Variants in VSIG4 observed in about 807,000 individuals in gnomAD.
VSIG4 encodes V-set and immunoglobulin domain containing 4, also known as V-set and immunoglobulin domain-containing protein 4.
A neutral mutation model predicts 23.4 loss-of-function variants in VSIG4; 34 were observed. That is an observed-to-expected ratio of 1.45 (90% confidence interval 1.10 to 1.93). The LOEUF is 1.93. VSIG4 is among the 30% of genes most tolerant of loss of function. VSIG4 has a pLI of 0.00. For missense variants in VSIG4, 433 were observed against 310.8 expected, an observed-to-expected ratio of 1.39 and a Z score of -2.96; for synonymous variants, 169 against 120.3, an observed-to-expected ratio of 1.41 and a Z score of -2.65.
intron 1 of VSIG4, among the ~76,000 whole-genome samples, chrX:66,038,467 GCTCTCT>G (rs747112398): frequency 3.2e-5 from 3 of 93,973 alleles, no homozygotes; most frequent in Admixed American, 2.2e-4. Flanking sequence ...ACACATGAGT[GCTCTCT>G]CTCTCTCTCA....
intron 1 of VSIG4, among the ~76,000 whole-genome samples, chrX:66,036,998 ATATC>A (rs760911562): frequency 0.18 from 6,770 of 36,916 alleles, 1,161 homozygotes; most frequent in African/African-American, 0.47. Flanking sequence ...ATAATATAAT[ATATC>A]ATATAATATA....
rs1405365955 is a variant in VSIG4 at position 66,025,075 on chromosome X, A to G, written c.890T>C (p.Val297Ala). Residue 297 changes from valine to alanine, a missense_variant, in exon 6 of 8, where the codon GTG becomes GCG. Physicochemically the swap from Val to Ala is moderately conservative, Grantham distance 64. Transcript: ENST00000374737. ...IILIISLCCM[V>A]VFTMAYIMLC... The stretch of plus-strand genomic sequence containing the variant: ...CATGATATAGGCCATGGTAAAAACC[A>G]CCATACAGCACAAGGAGATGATGAG... 1 of 1,206,752 alleles carries G rather than the reference A, an allele frequency of 8.3e-7. No individual in the cohort carries two copies. The highest frequency in any genetic ancestry group is 3.0e-5 in the East Asian group (1 of 33,559).
Position 66,033,728 on chromosome X carries a change from A to G in VSIG4, c.158T>C (p.Leu53Ser), listed in dbSNP as rs112494601. The G allele has an allele frequency of 3.7e-5, 45 of 1,209,771 alleles. No individual in the cohort carries two copies. Among genetic ancestry groups the G allele is most frequent in the African/African-American group, 3.5e-4 (20 of 57,188 alleles). Residue 53 changes from leucine (L) to serine (S), a missense_variant, in exon 2 of 8, where the codon TTG becomes TCG. Physicochemically the swap from Leu to Ser is moderately radical, Grantham distance 145 (BLOSUM62 -2). Coordinates refer to ENST00000374737, the MANE Select transcript of VSIG4 (RefSeq NM_007268.3). The stretch of plus-strand genomic sequence containing the variant: ...GCCACGTTGTACCAGCCACTTCACC[A>G]AGACTTGGGTGTAGCCTTGCAGGGG... ...YDPLQGYTQV[L>S]VKWLVQRGSD... is the part of the protein sequence containing the mutation.
At chrX:66,023,146 G>T (rs1244674697) in intron 6 of VSIG4, among the ~76,000 whole-genome samples, 2 of 110,601 alleles carry the variant, frequency 1.8e-5, no homozygotes, top group African/African-American at 6.6e-5. Flanking sequence ...GGTTGGGGGA[G>T]GGCACTAGAA....
chrX:66,022,206 G>A lies in VSIG4; in HGVS notation c.*57C>T. On this transcript the variant is annotated 3_prime_UTR_variant, in exon 8 of 8. Transcript: ENST00000374737. The stretch of plus-strand genomic sequence containing the variant: ...AGGTAGCAGGGAAGAAGGCCATGCA[G>A]AAGGCAAGGACTGACTAGGCAATTA... The A allele has an allele frequency of 1.7e-6, 2 of 1,211,742 alleles. No individual in the cohort carries two copies. The highest frequency in any genetic ancestry group is 1.8e-5 in the South Asian group (1 of 56,951).
rs759010171 is a variant in VSIG4, at chrX:66,027,300, C to A, written c.835+149G>T. The A allele has an allele frequency of 4.0e-5, 20 of 500,575 alleles. No individual in the cohort carries two copies. The South Asian group carries it at 5.1e-4, about 13-fold the overall frequency. The allele number at this position is 500,575 out of a possible 1,213,427, so 41.3% of individuals were successfully genotyped here. Reference sequence around the variant, plus strand: ...TCTCTCTACATCCTACCCACTTTACCCATCCTCAGTGCCCTTGACCATTGC... The same window carrying A: ...TCTCTCTACATCCTACCCACTTTACACATCCTCAGTGCCCTTGACCATTGC... On this transcript the variant is annotated intron_variant, in intron 5 of 7. Transcript: ENST00000374737.
At chrX:66,036,858 T>A (rs1156547478) in intron 1 of VSIG4, among the ~76,000 whole-genome samples, 2 of 36,736 alleles carry the variant, frequency 5.4e-5, no homozygotes, top group Non-Finnish European at 8.2e-5. Flanking sequence ...ATTATATATA[T>A]AATAATATAT....
At chrX:66,024,771 G>T (rs2085370809) in intron 6 of VSIG4, among the ~76,000 whole-genome samples, 1 of 111,766 alleles carries the variant, frequency 8.9e-6, no homozygotes, top group Non-Finnish European at 1.9e-5. Flanking sequence ...TCCTTCTCTT[G>T]CATCATTACA....
At position 66,025,205 on chromosome X, in the gene VSIG4, G is replaced by A. The variant is rs966765442; in HGVS notation, c.836-76C>T. 4.4e-6 allele frequency: 3 copies of A among 688,692 alleles called. No individual in the cohort carries two copies. The African/African-American group carries it at 6.7e-5, about 15-fold the overall frequency. The allele number at this position is 688,692 out of a possible 1,213,427, so 56.8% of individuals were successfully genotyped here. On this transcript the variant is annotated intron_variant, in intron 5 of 7. Coordinates refer to ENST00000374737, the MANE Select transcript of VSIG4 (RefSeq NM_007268.3). ...AACAAAAACTCTAAGAAACAGCCTAGACTAAGCCAGGCCTTTTTCTTTTTC... is the reference window on the plus strand; with the variant it reads ...AACAAAAACTCTAAGAAACAGCCTAAACTAAGCCAGGCCTTTTTCTTTTTC...
At position 66,032,667 on chromosome X, in the gene VSIG4, G is replaced by T; in HGVS notation, c.495C>A (p.Cys165Ter). ...TGATGGGAGGAGAACCCCGAGCCTG[G>T]CATTGAAGGCTAATCCTCATTCCCT... ...VPQGMRISLQ[C>*]QARGSPPISY... Residue 165 changes from cysteine to a stop codon, truncating the protein, a stop_gained, in exon 3 of 8, where the codon TGC (cysteine) becomes TGA (stop). Coordinates refer to ENST00000374737, the MANE Select transcript of VSIG4 (RefSeq NM_007268.3). LOFTEE classifies it high-confidence loss of function. 3.3e-6 allele frequency: 4 copies of T among 1,211,238 alleles called. No homozygotes were observed. Among genetic ancestry groups the T allele is most frequent in the Non-Finnish European group, 4.5e-6 (4 of 895,125 alleles).
chrX:66,033,473 C>T lies in VSIG4; in HGVS notation c.412+1G>A, dbSNP rs996894190. On this transcript the variant is annotated splice_donor_variant, in intron 2 of 7. Transcript: ENST00000374737. LOFTEE classifies it high-confidence loss of function. The stretch of plus-strand genomic sequence containing the variant: ...GCTTTCCTACCCCCATAGTGACTCA[C>T]GTTTCTGGACACGGAGCTCAGTAAT... 3 of 1,195,771 alleles carry T rather than the reference C, an allele frequency of 2.5e-6. No individual in the cohort carries two copies. Among genetic ancestry groups the T allele is most frequent in the East Asian group, 3.0e-5 (1 of 33,670 alleles).
chrX:66,025,276 A>T lies in VSIG4; in HGVS notation c.836-147T>A, dbSNP rs983768386. 90 of 393,310 alleles carry T rather than the reference A, an allele frequency of 2.3e-4. 2 individuals carry two copies. The South Asian group carries it at 5.3e-3, about 23-fold the overall frequency. The allele number at this position is 393,310 out of a possible 1,213,427, so 32.4% of individuals were successfully genotyped here. A position where few individuals can be genotyped will look rare whatever the true frequency, so the allele number is the denominator to read the frequency against. ...CTTCTTAGCTAGCCAGAGAGAAAAAACTCCAGTCCCATGAGAAAGACTTGA... is the reference window on the plus strand; with the variant it reads ...CTTCTTAGCTAGCCAGAGAGAAAAATCTCCAGTCCCATGAGAAAGACTTGA... On this transcript the variant is annotated intron_variant, in intron 5 of 7. Coordinates refer to ENST00000374737, the MANE Select transcript of VSIG4 (RefSeq NM_007268.3).
At chrX:66,036,776 A>C (rs1322438854) in intron 1 of VSIG4, among the ~76,000 whole-genome samples, 3 of 41,367 alleles carry the variant, frequency 7.3e-5, no homozygotes, top group African/African-American at 3.7e-4. Flanking sequence ...TATATATTAT[A>C]TTATATTATA....
At chrX:66,037,338 A>T (rs1251973568) in intron 1 of VSIG4, among the ~76,000 whole-genome samples, 1 of 11,820 alleles carries the variant, frequency 8.5e-5, no homozygotes, top group Non-Finnish European at 1.1e-4. Context: ...ATAATAATAT[A>T]ATATAATATA....
Position 66,033,906 on chromosome X carries a change from C to A in VSIG4, c.56-76G>T, listed in dbSNP as rs771627621. The A allele has an allele frequency of 8.0e-4, 669 of 831,873 alleles. 1 individual carries two copies. The highest frequency in any genetic ancestry group is 1.0e-3 in the Non-Finnish European group (587 of 581,622). 68.6% of individuals were successfully genotyped at this position (831,873 alleles called of 1,213,427 possible). ...TGGCAACTAAGGTGACAGTGACAAACCTCAAAAGGTTTCTGAGAAATGCCA... is the reference window on the plus strand; with the variant it reads ...TGGCAACTAAGGTGACAGTGACAAAACTCAAAAGGTTTCTGAGAAATGCCA... On this transcript the variant is annotated intron_variant, in intron 1 of 7. Coordinates refer to ENST00000374737, the MANE Select transcript of VSIG4 (RefSeq NM_007268.3).
At chrX:66,037,614 ATAAT>A (rs1400812788) in intron 1 of VSIG4, among the ~76,000 whole-genome samples, 14 of 78,793 alleles carry the variant, frequency 1.8e-4, no homozygotes, top group African/African-American at 5.5e-4. Flanking sequence ...CACTTTACTG[ATAAT>A]TACTTATATA....
At chrX:66,023,636 T>C (rs2085358115) in intron 6 of VSIG4, among the ~76,000 whole-genome samples, 1 of 112,345 alleles carries the variant, frequency 8.9e-6, no homozygotes, top group African/African-American at 3.2e-5. Context: ...GCTCAGCACC[T>C]GTCACACAAT....
Position 66,022,732 on chromosome X carries a change from G to T in VSIG4, c.962+109C>A, listed in dbSNP as rs1396523390. ...TATGTCCTGACCCTGAAGGCCTCCG[G>T]CCTTAGGATTGGGTCTGTGCCACAC... On this transcript the variant is annotated intron_variant, in intron 7 of 7. Transcript: ENST00000374737. 4 of 1,188,128 alleles carry T rather than the reference G, an allele frequency of 3.4e-6. No homozygotes were observed. In the African/African-American group the frequency reaches 7.0e-5, roughly 21 times the overall value.
Position 66,029,825 on chromosome X carries a change from G to A in VSIG4, c.695-1713C>T, listed in dbSNP as rs748964835. ...AAAAGGTACGATCAGTTTTGAACACGCTGAAATTAGAAATGAAGCTGTCCA... is the reference window on the plus strand; with the variant it reads ...AAAAGGTACGATCAGTTTTGAACACACTGAAATTAGAAATGAAGCTGTCCA... On this transcript the variant is annotated intron_variant, in intron 3 of 7. Transcript: ENST00000374737. 6.3e-5 allele frequency among the ~76,000 whole-genome samples: 7 copies of A among 111,230 alleles called. No homozygotes were observed. The South Asian group carries it at 1.9e-3, about 30-fold the overall frequency.
Sources: gnomAD v4.1 joint callset for allele counts (sites outside exome capture counted in the v4.1 genomes callset) on GRCh38, gnomAD v4.1.1 for gene constraint, MANE v1.5 for transcripts, NCBI Gene and HGNC (gene_info 2026-07-23, HGNC 2026-07-21) for gene names.